Variants in MRC1 observed in about 807,000 individuals in gnomAD.
MRC1 encodes the protein macrophage mannose receptor 1.
MRC1 carries 62 observed loss-of-function variants against 102.9 expected under a neutral mutation model. The ratio of observed to expected loss-of-function variants is 0.60; its 90% CI spans 0.49 to 0.74. The LOEUF (loss-of-function observed/expected upper bound fraction) is 0.74, where lower values mean the gene tolerates loss of function less well. MRC1 is among the 30% of genes least tolerant of loss of function. The probability of loss-of-function intolerance (pLI) is 0.00; values close to 1 mark genes in which losing one functional copy is unlikely to be tolerated. For missense variants in MRC1, 1,237 were observed against 862.8 expected (o/e 1.43, Z -5.43); for synonymous variants, 457 against 298.4 (o/e 1.53, Z -5.48).
intron 7 of MRC1, among the ~76,000 whole-genome samples, chr10:17,850,888 C>T (rs1838904748): frequency 6.6e-6 from 1 of 152,214 alleles, no homozygotes; most frequent in African/African-American, 2.4e-5. Flanking sequence ...TGGTATCCAT[C>T]TTCCTGTGTT....
At chr10:17,835,567 C>T (rs1444299852) in intron 4 of MRC1, among the ~76,000 whole-genome samples, 2 of 152,204 alleles carry the variant, frequency 1.3e-5, no homozygotes, top group African/African-American at 2.4e-5. Context: ...TAGCTGAAAA[C>T]GGGGAATGTC....
At chr10:17,905,921 C>T (rs1833888887) in intron 26 of MRC1, among the ~76,000 whole-genome samples, 2 of 152,072 alleles carry the variant, frequency 1.3e-5, no homozygotes, top group South Asian at 4.1e-4. Context: ...TGGGTTAATG[C>T]TTGTAAAGTC....
chr10:17,810,645 A>G (rs1397762127), intron 1 of MRC1, among the ~76,000 whole-genome samples: 4 of 152,178 alleles, frequency 2.6e-5, no homozygotes, highest in Non-Finnish European at 5.9e-5. Flanking sequence ...TGCCCCCATC[A>G]GTTCTTGTGA....
chr10:17,844,381 C>T (rs1365146910), intron 5 of MRC1, among the ~76,000 whole-genome samples: 1 of 151,820 alleles, frequency 6.6e-6, no homozygotes, highest in Non-Finnish European at 1.5e-5. Context: ...AGCTCCCCGG[C>T]CGATTTTTTT....
At chr10:17,891,872 T>C (rs1554843142) in intron 22 of MRC1, among the ~76,000 whole-genome samples, 1 of 152,014 alleles carries the variant, frequency 6.6e-6, no homozygotes, top group African/African-American at 2.4e-5. Context: ...GCCCCAAGGA[T>C]ATGGTGGTAA....
intron 5 of MRC1, among the ~76,000 whole-genome samples, chr10:17,843,152 G>C (rs1416435254): frequency 6.6e-6 from 1 of 152,138 alleles, no homozygotes; most frequent in East Asian, 1.9e-4. Context: ...AGTTGAGAGA[G>C]GTATTGTATT....
intron 15 of MRC1, among the ~76,000 whole-genome samples, chr10:17,873,202 T>A (rs1026060542): frequency 2.6e-5 from 4 of 152,232 alleles, no homozygotes; most frequent in African/African-American, 9.6e-5. Context: ...ATATTTCATT[T>A]AACTTTTAGT....
intron 6 of MRC1, among the ~76,000 whole-genome samples, chr10:17,849,035 A>G (rs1216936941): frequency 2.0e-5 from 3 of 152,212 alleles, no homozygotes; most frequent in African/African-American, 7.2e-5. Context: ...TCAGGCCTCC[A>G]GCATTTAAAC....
At chr10:17,861,676 A>G (rs1833185850) in intron 10 of MRC1, among the ~76,000 whole-genome samples, 174 bp downstream of exon 10, 1 of 152,230 alleles carries the variant, frequency 6.6e-6, no homozygotes, top group Non-Finnish European at 1.5e-5. Context: ...TGCAAACATT[A>G]CAAACCGTTT....
At chr10:17,870,101 T>C in intron 12 of MRC1, 145 bp from the exon 13 acceptor site, 1 of 658,812 alleles carries the variant, frequency 1.5e-6, no homozygotes, top group Non-Finnish European at 2.8e-6. Flanking sequence ...TAAACTGATT[T>C]TAAAGCAAAA....
chr10:17,899,994 A>T (rs1259304569), intron 24 of MRC1, among the ~76,000 whole-genome samples: 7 of 149,994 alleles, frequency 4.7e-5, no homozygotes, highest in African/African-American at 1.7e-4. Flanking sequence ...GCTACTTGGG[A>T]GGCAGAGGCA....
rs1833500189 is a variant in MRC1, at chr10:17,880,621, C to A, written c.2816C>A (p.Pro939His). The A allele has an allele frequency of 5.1e-6, 4 of 780,758 alleles. No homozygotes were observed. In the Admixed American group the frequency reaches 6.8e-5, roughly 13 times the overall value. The allele number at this position is 780,758 out of a possible 1,614,324, so 48.4% of individuals were successfully genotyped here. The change falls in exon 20 of 30, where the codon CCC becomes CAC. Residue 939 changes from proline (P) to histidine (H), a missense_variant. Pro to His is a moderately conservative substitution (Grantham distance 77). Transcript: ENST00000569591. ...INATTVMPTM[P>H]SVPSGCKEGW... ...GCTACCACAGTTATGCCTACCATGC[C>A]CTCGGTCCCATCAGGGTGCAAGGAA...
Position 17,910,627 on chromosome 10 carries a change from C to T in MRC1, c.*162C>T, listed in dbSNP as rs1283122653. ...GAAGAAATAATTGCTTGTTTTCTAG[C>T]CTGGCAAGATATTTTCATAAAAGAG... On this transcript the variant is annotated 3_prime_UTR_variant, in exon 30 of 30. Transcript: ENST00000569591. 4 of 690,364 alleles carry T rather than the reference C, an allele frequency of 5.8e-6. No individual in the cohort carries two copies. In the African/African-American group the frequency reaches 7.2e-5, roughly 12 times the overall value. The allele number at this position is 690,364 out of a possible 1,614,324, so 42.8% of individuals were successfully genotyped here. A position where few individuals can be genotyped will look rare whatever the true frequency, so the allele number is the denominator to read the frequency against.
At chr10:17,854,470 G>A (rs948274619) in intron 8 of MRC1, among the ~76,000 whole-genome samples, 177 of 152,208 alleles carry the variant, frequency 1.2e-3, no homozygotes, top group African/African-American at 4.1e-3. Context: ...AGCATGCTTG[G>A]AGGAGGTGAA....
intron 5 of MRC1, 191 bp from the exon 6 acceptor site, chr10:17,845,098 A>G (rs782579585): frequency 2.2e-5 from 17 of 777,012 alleles, no homozygotes; most frequent in East Asian, 1.5e-4. Flanking sequence ...TGATCCAACG[A>G]TAAGAAAACA....
intron 12 of MRC1, among the ~76,000 whole-genome samples, chr10:17,867,614 G>T (rs1420469790): frequency 6.6e-6 from 1 of 151,910 alleles, no homozygotes; most frequent in East Asian, 1.9e-4. Context: ...GTAAAGATGG[G>T]GTCTCACTAT....
At chr10:17,877,709 C>G (rs1223564256) in intron 17 of MRC1, among the ~76,000 whole-genome samples, 191 bp from the exon 18 acceptor site, 1 of 151,788 alleles carries the variant, frequency 6.6e-6, no homozygotes, top group Non-Finnish European at 1.5e-5. Context: ...TTTACAAGTT[C>G]AAATTATTAA....
intron 22 of MRC1, among the ~76,000 whole-genome samples, chr10:17,885,823 C>CATCATGATCATGATCATGATCATG (rs782722089): frequency 2.3e-4 from 34 of 150,918 alleles, no homozygotes; most frequent in Admixed American, 1.6e-3. Flanking sequence ...GATCATCATC[C>CATCATGATCATGATCATGATCATG]ATCATGATCA....
intron 15 of MRC1, 107 bp downstream of exon 15, chr10:17,872,233 A>T: frequency 6.5e-6 from 5 of 774,358 alleles, no homozygotes; most frequent in Non-Finnish European, 9.6e-6. Context: ...TAACAAAATC[A>T]GGAAACTGTC....
Sources: gnomAD v4.1 joint callset for allele counts (sites outside exome capture counted in the v4.1 genomes callset) on GRCh38, gnomAD v4.1.1 for gene constraint, MANE v1.5 for transcripts, NCBI Gene and HGNC (gene_info 2026-07-23, HGNC 2026-07-21) for gene names.